The following NFIC variants were observed in gnomAD, a reference collection of about 807,000 sequenced individuals.
The protein encoded by NFIC is nuclear factor I C, also known as nuclear factor 1 C-type.
A neutral mutation model predicts 54.4 loss-of-function variants in NFIC; 12 were observed. The ratio of observed to expected loss-of-function variants is 0.22; its 90% CI spans 0.14 to 0.36. The LOEUF (loss-of-function observed/expected upper bound fraction) is 0.36. Among genes scored for constraint, NFIC ranks in the 10% least tolerant of loss-of-function variants. The pLI, the probability that NFIC is intolerant of heterozygous loss-of-function variation, is 1.00. For missense variants in NFIC, 575 were observed against 718.2 expected (o/e 0.80, Z 2.28); for synonymous variants, 322 against 319.2 (o/e 1.01, Z -0.09).
upstream of NFIC, among the ~76,000 whole-genome samples, chr19:3,363,234 T>TGTGTGTGTGTGC (rs199853260): frequency 0.017 from 1,029 of 61,966 alleles, 121 homozygotes; most frequent in African/African-American, 0.054. Context: ...TGTATGTGTA[T>TGTGTGTGTGTGC]GTGTGTGTAT....
intron 1 of NFIC, 50 bp from the exon 2 acceptor site, chr19:3,381,662 C>T (rs368097325): frequency 4.4e-6 from 7 of 1,587,182 alleles, no homozygotes; most frequent in Admixed American, 1.8e-5. Flanking sequence ...GCAGTGGGTC[C>T]GCCCTCTGCG....
chr19:3,393,176 C>T lies in NFIC; in HGVS notation c.562+10933C>T, dbSNP rs181497614. Among the ~76,000 whole-genome samples, 42 of 152,168 alleles carry T rather than the reference C, an allele frequency of 2.8e-4. No individual in the cohort carries two copies. In the East Asian group the frequency reaches 7.6e-3, roughly 27 times the overall value. On this transcript the variant is annotated intron_variant, in intron 2 of 10. Transcript: ENST00000443272. ...GGCTGACCTCGTGATCCACCCACCT[C>T]GGCCTCCCGAATTGCTGGGATTACA...
At chr19:3,423,004 C>A (rs986388394) in intron 2 of NFIC, among the ~76,000 whole-genome samples, 1 of 118,906 alleles carries the variant, frequency 8.4e-6, no homozygotes, top group African/African-American at 3.3e-5. Flanking sequence ...CGAGACCAGC[C>A]TGACCAACAT....
At position 3,459,426 on chromosome 19, in the gene NFIC, G is replaced by A. The variant is rs1050470119; in HGVS notation, c.1509+2791G>A. On this transcript the variant is annotated intron_variant, in intron 10 of 10. Transcript: ENST00000443272. The surrounding 1 kb of genome is among the most constrained non-coding windows in gnomAD (Gnocchi z 4.2). ...TCACGCCCCTACATTTCTCCTGCAC[G>A]GGAACCCACGTAAGCAGCTGGGTAA... is the stretch of plus-strand genomic sequence containing the variant. Among the ~76,000 whole-genome samples, 2 of 151,966 alleles carry A rather than the reference G, an allele frequency of 1.3e-5. No individual in the cohort carries two copies. The highest frequency in any genetic ancestry group is 2.9e-5 in the Non-Finnish European group (2 of 68,010).
intron 2 of NFIC, among the ~76,000 whole-genome samples, chr19:3,393,288 A>G (rs1482457710): frequency 6.6e-6 from 1 of 152,124 alleles, no homozygotes; most frequent in East Asian, 1.9e-4. Flanking sequence ...TAGGGCCAGC[A>G]AGGAGGGACC....
intron 6 of NFIC, among the ~76,000 whole-genome samples, chr19:3,444,311 C>A (rs1163128355): frequency 6.6e-6 from 1 of 152,200 alleles, no homozygotes; most frequent in Non-Finnish European, 1.5e-5. Flanking sequence ...GATGGGGGAG[C>A]CCTCGGGCCT....
Position 3,463,350 on chromosome 19 carries a change from C to T in NFIC, c.*581C>T. 1.0e-6 allele frequency: 1 copy of T among 986,448 alleles called. No individual in the cohort carries two copies. Among genetic ancestry groups the T allele is most frequent in the Non-Finnish European group, 1.2e-6 (1 of 830,742 alleles). 61.1% of individuals were successfully genotyped at this position (986,448 alleles called of 1,614,324 possible). On this transcript the variant is annotated 3_prime_UTR_variant, in exon 11 of 11. Coordinates refer to ENST00000443272, the MANE Select transcript of NFIC (RefSeq NM_001245002.2). ...CAGCCACTGGGGGGAAAGGGAGACA[C>T]AGCGGACCCCGGCCGGGCAGCGGAG...
chr19:3,456,666 G>T, intron 10 of NFIC, 31 bp downstream of exon 10: 1 of 1,444,034 alleles, frequency 6.9e-7, no homozygotes, highest in South Asian at 1.3e-5. Context: ...TGGTGGGGTG[G>T]GAGGGGCAGG....
rs2082680359 is a variant in NFIC at position 3,463,979 on chromosome 19, G to C, written c.*1210G>C. ...CGTGCCCCCCCAGAGCTAGAGAGAT[G>C]GGGCCCCTGCGTGGCCCGAGGGGCA... On this transcript the variant is annotated 3_prime_UTR_variant, in exon 11 of 11. Transcript: ENST00000443272. 1.0e-6 allele frequency: 1 copy of C among 984,908 alleles called. No homozygotes were observed. The allele number at this position is 984,908 out of a possible 1,614,324, so 61.0% of individuals were successfully genotyped here.
intron 6 of NFIC, among the ~76,000 whole-genome samples, chr19:3,437,580 T>C (rs1440740173): frequency 6.7e-6 from 1 of 149,450 alleles, no homozygotes; most frequent in Non-Finnish European, 1.5e-5. Flanking sequence ...TCTTGCTTGT[T>C]TTGAGAGATC....
chr19:3,444,670 G>A (rs112002025), intron 6 of NFIC, among the ~76,000 whole-genome samples: 16,058 of 152,238 alleles, frequency 0.11, 1,036 homozygotes, highest in South Asian at 0.26. Flanking sequence ...TGTGGCGGCC[G>A]GGGGTGGAGT....
chr19:3,456,688 G>A (rs1487881416), intron 10 of NFIC, 53 bp downstream of exon 10: 29 of 1,343,472 alleles, frequency 2.2e-5, no homozygotes, highest in Admixed American at 1.2e-4. Flanking sequence ...CAGAGGGGCC[G>A]GCCCGGGGGG....
chr19:3,456,423 C>T, intron 9 of NFIC, 127 bp from the exon 10 acceptor site: 1 of 855,292 alleles, frequency 1.2e-6, no homozygotes, highest in Non-Finnish European at 1.8e-6. Flanking sequence ...GGCTCGGAGG[C>T]CCCAGGCACT....
At chr19:3,447,497 G>A (rs1484567699) in intron 6 of NFIC, among the ~76,000 whole-genome samples, 2 of 152,158 alleles carry the variant, frequency 1.3e-5, no homozygotes, top group African/African-American at 4.8e-5. Flanking sequence ...AGCAGCAGCA[G>A]CGGCTCCTGC....
At chr19:3,432,760 C>T (rs2082141132) in intron 3 of NFIC, among the ~76,000 whole-genome samples, 2 of 151,268 alleles carry the variant, frequency 1.3e-5, no homozygotes, top group Non-Finnish European at 2.9e-5. Flanking sequence ...CTGCAAGCTC[C>T]ACCTCTCGGG....
At position 3,406,809 on chromosome 19, in the gene NFIC, G is replaced by C. The variant is rs188906113; in HGVS notation, c.563-18297G>C. ...ACTTCAAGTGCAGATTCTGTGCCGGGAGCTGTGGACGATAAACCACATTTG... is the reference window on the plus strand; with the variant it reads ...ACTTCAAGTGCAGATTCTGTGCCGGCAGCTGTGGACGATAAACCACATTTG... On this transcript the variant is annotated intron_variant, in intron 2 of 10. Coordinates refer to ENST00000443272, the MANE Select transcript of NFIC (RefSeq NM_001245002.2). Among the ~76,000 whole-genome samples the C allele has an allele frequency of 2.6e-3, 395 of 152,290 alleles. 1 individual carries two copies. The highest frequency in any genetic ancestry group is 9.0e-3 in the African/African-American group (376 of 41,570).
intron 3 of NFIC, among the ~76,000 whole-genome samples, chr19:3,430,058 C>T (rs2082097183): frequency 6.6e-6 from 1 of 152,112 alleles, no homozygotes; most frequent in Admixed American, 6.6e-5. Flanking sequence ...GCCTCCCTCC[C>T]CACCCTAGCT....
intron 2 of NFIC, among the ~76,000 whole-genome samples, chr19:3,406,391 G>A (rs1167353558): frequency 1.7e-5 from 1 of 57,704 alleles, no homozygotes; most frequent in Non-Finnish European, 3.5e-5. Flanking sequence ...ACCGTGCCCT[G>A]CCTATTTTTT....
At chr19:3,422,029 G>T (rs779422460) in intron 2 of NFIC, among the ~76,000 whole-genome samples, 1 of 151,984 alleles carries the variant, frequency 6.6e-6, no homozygotes, top group South Asian at 2.1e-4. Flanking sequence ...CTCCGCCTCC[G>T]GGGTTCGAGC....
Sources: gnomAD v4.1 joint callset for allele counts (sites outside exome capture counted in the v4.1 genomes callset) on GRCh38, gnomAD v4.1.1 for gene constraint, Gnocchi (gnomAD v3.1) non-coding constraint, MANE v1.5 for transcripts, NCBI Gene and HGNC (gene_info 2026-07-23, HGNC 2026-07-21) for gene names.